Variants in SENP3 observed in about 807,000 individuals in gnomAD.
The protein encoded by SENP3 is sentrin-specific protease 3.
SENP3 carries 11 observed loss-of-function variants against 66.2 expected under a neutral mutation model. The ratio of observed to expected loss-of-function variants is 0.17; its 90% CI spans 0.10 to 0.28. The LOEUF (loss-of-function observed/expected upper bound fraction) is 0.28, where lower values mean the gene tolerates loss of function less well. SENP3 is among the 10% of genes least tolerant of loss of function. The pLI, the probability that SENP3 is intolerant of heterozygous loss-of-function variation, is 1.00. For synonymous variants in SENP3, 292 were observed against 277.6 expected, an observed-to-expected ratio of 1.05 and a Z score of -0.52; for missense variants, 548 against 743.7, an observed-to-expected ratio of 0.74 and a Z score of 3.06.
At chr17:7,566,829 G>A in intron 6 of SENP3, 98 bp from the exon 7 acceptor site, 1 of 901,704 alleles carries the variant, frequency 1.1e-6, no homozygotes, top group South Asian at 1.5e-5. Context: ...AAAAAACCCA[G>A]AATTTGTTTT....
Position 7,571,910 on chromosome 17 carries a change from A to ATATAT in SENP3, c.*427_*428insTATAT, listed in dbSNP as rs2071328340. The ATATAT allele has an allele frequency of 3.9e-5, 1 of 25,318 alleles. No individual in the cohort carries two copies. Among genetic ancestry groups the ATATAT allele is most frequent in the African/African-American group, 2.2e-4 (1 of 4,464 alleles). The allele number at this position is 25,318 out of a possible 1,614,324, so 1.6% of individuals were successfully genotyped here. ...ATATATATATATATATATATATATA[A>ATATAT]AAATATATAAATGCCACGGTCCTGC... On this transcript the variant is annotated 3_prime_UTR_variant, in exon 11 of 11. Coordinates refer to ENST00000321337, the MANE Select transcript of SENP3 (RefSeq NM_015670.6).
intron 7 of SENP3, among the ~76,000 whole-genome samples, chr17:7,567,807 G>A (rs533643083): frequency 6.6e-6 from 1 of 152,136 alleles, no homozygotes; most frequent in East Asian, 1.9e-4. Context: ...TGAGGAGGGG[G>A]GATTTTATTG....
rs1317316204 is a variant in SENP3, at chr17:7,562,277, C to T, written c.-12+14C>T. On this transcript the variant is annotated intron_variant, in intron 1 of 10. Coordinates refer to ENST00000321337, the MANE Select transcript of SENP3 (RefSeq NM_015670.6). The surrounding 1 kb of genome is among the most constrained non-coding windows in gnomAD (Gnocchi z 5.0). ...TCCCCGCTCCCGGTGAGGACGCCCC[C>T]TCCCCTCCCCCCAGCCCTGCCTTGG... 1.3e-5 allele frequency: 5 copies of T among 398,118 alleles called. No homozygotes were observed. Among genetic ancestry groups the T allele is most frequent in the Non-Finnish European group, 1.8e-5 (4 of 225,750 alleles). The allele number at this position is 398,118 out of a possible 1,614,324, so 24.7% of individuals were successfully genotyped here.
At chr17:7,565,198 G>A in intron 4 of SENP3, 128 bp downstream of exon 4, 2 of 830,778 alleles carry the variant, frequency 2.4e-6, no homozygotes, top group South Asian at 1.7e-5. Context: ...GGAGGACTCT[G>A]CAGGCAGGTG....
At chr17:7,565,794 G>C in intron 6 of SENP3, 30 bp downstream of exon 6, 1 of 1,606,798 alleles carries the variant, frequency 6.2e-7, no homozygotes, top group Non-Finnish European at 8.5e-7. Context: ...TCAGTACCCA[G>C]AGGAACTTCT....
At chr17:7,565,871 C>T (rs1017606610) in intron 6 of SENP3, 107 bp downstream of exon 6, 7 of 937,042 alleles carry the variant, frequency 7.5e-6, no homozygotes, top group African/African-American at 3.3e-5. Flanking sequence ...GTCTCTGTTT[C>T]AGGGAGAGAG....
intron 6 of SENP3, 42 bp downstream of exon 6, chr17:7,565,806 C>T (rs771614740): frequency 1.9e-6 from 3 of 1,567,884 alleles, no homozygotes; most frequent in Admixed American, 1.7e-5. Context: ...GGAACTTCTG[C>T]AGTTTTAAGC....
rs778222193 is a variant in SENP3 at position 7,565,771 on chromosome 17, C to T, written c.1263+7C>T. 2 of 1,613,600 alleles carry T rather than the reference C, an allele frequency of 1.2e-6. No homozygotes were observed. Among genetic ancestry groups the T allele is most frequent in the South Asian group, 1.1e-5 (1 of 91,070 alleles). On this transcript the variant is annotated splice_region_variant and intron_variant, in intron 6 of 10. Coordinates refer to ENST00000321337, the MANE Select transcript of SENP3 (RefSeq NM_015670.6). ...GGACACAGTCCCTGAAAAGGTAGGC[C>T]CAACCAGATAGGTCAGTACCCAGAG...
chr17:7,566,475 G>T (rs1047887518), intron 6 of SENP3, among the ~76,000 whole-genome samples: 2 of 151,952 alleles, frequency 1.3e-5, no homozygotes, highest in African/African-American at 4.8e-5. Context: ...GGCCAACATG[G>T]TGAAACCCTG....
At position 7,564,642 on chromosome 17, in the gene SENP3, C is replaced by G. The variant is rs200728441; in HGVS notation, c.733C>G (p.Leu245Val). The G allele has an allele frequency of 4.5e-5, 73 of 1,614,076 alleles. No homozygotes were observed. The African/African-American group carries it at 8.7e-4, about 19-fold the overall frequency. The change falls in exon 3 of 11, where the codon CTG (leucine) becomes GTG (valine). Residue 245 changes from leucine to valine, a missense_variant. Physicochemically the swap from Leu to Val is conservative, Grantham distance 32. This residue lies in a region of SENP3 where 215 missense variants were observed against 230.7 expected (regional missense o/e 0.93). Coordinates refer to ENST00000321337, the MANE Select transcript of SENP3 (RefSeq NM_015670.6). ...CCCTATAGGCCTCCTTTCATGTACT[C>G]TGCCCAACGGTTTTGGGGGACAATC... ...DPDSGLLSCTLPNGFGGQSGP... is the reference protein window; with the variant it reads ...DPDSGLLSCTVPNGFGGQSGP...
Position 7,562,379 on chromosome 17 carries a change from G to T in SENP3, c.-12+116G>T, listed in dbSNP as rs1297878629. 8 of 395,864 alleles carry T rather than the reference G, an allele frequency of 2.0e-5. No individual in the cohort carries two copies. The highest frequency in any genetic ancestry group is 3.6e-5 in the Non-Finnish European group (8 of 224,850). The allele number at this position is 395,864 out of a possible 1,614,324, so 24.5% of individuals were successfully genotyped here. The stretch of plus-strand genomic sequence containing the variant: ...CATAGGGGCTTCTTAAGGCCCGTGT[G>T]CGCCGAGCCATCCAAGCTCGTGGGA... On this transcript the variant is annotated intron_variant, in intron 1 of 10. Coordinates refer to ENST00000321337, the MANE Select transcript of SENP3 (RefSeq NM_015670.6). The surrounding 1 kb of genome is among the most constrained non-coding windows in gnomAD (Gnocchi z 5.0).
In SENP3 at chr17:7,570,420, T is replaced by C; in HGVS notation, c.1406T>C (p.Ile469Thr). 6.2e-7 allele frequency: 1 copy of C among 1,613,814 alleles called. No individual in the cohort carries two copies. The highest frequency in any genetic ancestry group is 8.5e-7 in the Non-Finnish European group (1 of 1,179,840). ...PIHLEVHWSL[I>T]SVDVRRRTIT... Reference sequence around the variant, plus strand: ...CACCTGGAGGTGCATTGGTCCCTCATCTCTGTTGATGTGAGGCGACGCACC... The same window carrying C: ...CACCTGGAGGTGCATTGGTCCCTCACCTCTGTTGATGTGAGGCGACGCACC... The change falls in exon 8 of 11, where the codon ATC (isoleucine) becomes ACC (threonine). Residue 469 changes from isoleucine to threonine, a missense_variant. Physicochemically the swap from Ile to Thr is moderately conservative, Grantham distance 89. Transcript: ENST00000321337. This position sits in a 1 kb window ranked among gnomAD's most constrained non-coding sequence, Gnocchi z 5.4.
At position 7,563,156 on chromosome 17, in the gene SENP3, C is replaced by T; in HGVS notation, c.80C>T (p.Pro27Leu). Reference sequence around the variant, plus strand: ...GGCATACCCCCAGCTTACTCAAGTCCCAGGCGGGAGCGTCTTCGTTGGCCC... The same window carrying T: ...GGCATACCCCCAGCTTACTCAAGTCTCAGGCGGGAGCGTCTTCGTTGGCCC... ...GPGIPPAYSSPRRERLRWPPP... is the reference protein window; with the variant it reads ...GPGIPPAYSSLRRERLRWPPP... The change falls in exon 2 of 11, where the codon CCC (proline) becomes CTC (leucine). Residue 27 changes from proline to leucine, a missense_variant. Physicochemically the swap from Pro to Leu is moderately conservative, Grantham distance 98 (BLOSUM62 -3). This residue lies in a region of SENP3 where 164 missense variants were observed against 167.9 expected (regional missense o/e 0.98). Transcript: ENST00000321337. The T allele has an allele frequency of 6.4e-7, 1 of 1,553,234 alleles. No homozygotes were observed. Among genetic ancestry groups the T allele is most frequent in the Non-Finnish European group, 8.7e-7 (1 of 1,150,558 alleles).
Position 7,571,378 on chromosome 17 carries a change from C to T in SENP3, c.1620C>T (p.Cys540=). Residue 540 remains cysteine, a synonymous_variant, in exon 11 of 11, where the codon TGC becomes TGT. Transcript: ENST00000321337. ...CTTGCTTTGTTAACACCCAGTACTG[C>T]AAGCATCTGGCCCTGTCTCAGCCAT... The part of the protein sequence containing the change: ...SDCGAFVLQY[C]KHLALSQPFS... The T allele has an allele frequency of 1.2e-6, 2 of 1,613,406 alleles. No individual in the cohort carries two copies.
intron 10 of SENP3, 69 bp from the exon 11 acceptor site, chr17:7,571,304 C>G: frequency 8.7e-7 from 1 of 1,143,296 alleles, no homozygotes; most frequent in South Asian, 1.3e-5. Context: ...GGAGACACAT[C>G]TCATATGAAA....
chr17:7,567,325 T>C (rs544505690), intron 7 of SENP3, among the ~76,000 whole-genome samples: 1 of 152,286 alleles, frequency 6.6e-6, no homozygotes, highest in South Asian at 2.1e-4. Context: ...GAGACTAGCC[T>C]GGCCAACATT....
chr17:7,565,121 G>A, intron 4 of SENP3, 51 bp downstream of exon 4: 2 of 1,334,560 alleles, frequency 1.5e-6, no homozygotes, highest in Non-Finnish European at 2.1e-6. Flanking sequence ...TTGGGGATGT[G>A]GAGAGAATAC....
Position 7,570,792 on chromosome 17 carries a change from G to T in SENP3, c.1563+28G>T, listed in dbSNP as rs907179208. On this transcript the variant is annotated intron_variant, in intron 9 of 10. Coordinates refer to ENST00000321337, the MANE Select transcript of SENP3 (RefSeq NM_015670.6). The surrounding 1 kb of genome is among the most constrained non-coding windows in gnomAD (Gnocchi z 5.4). ...GAGTTTCCTGAGGGAGGGGTATAGG[G>T]TGTTGGTGGGGACAGTGGTAGAAGG... 27 of 1,605,544 alleles carry T rather than the reference G, an allele frequency of 1.7e-5. No homozygotes were observed. Among genetic ancestry groups the T allele is most frequent in the Non-Finnish European group, 2.2e-5 (26 of 1,175,254 alleles).
At chr17:7,569,903 C>G (rs147080850) in intron 7 of SENP3, among the ~76,000 whole-genome samples, 2 of 152,316 alleles carry the variant, frequency 1.3e-5, no homozygotes, top group African/African-American at 4.8e-5. Context: ...TGGATAGTCA[C>G]TAGTTTAATC....
Sources: gnomAD v4.1 joint callset for allele counts (sites outside exome capture counted in the v4.1 genomes callset) on GRCh38, gnomAD v4.1.1 for gene constraint, gnomAD v4.1.1 regional missense constraint, Gnocchi (gnomAD v3.1) non-coding constraint, MANE v1.5 for transcripts, NCBI Gene and HGNC (gene_info 2026-07-23, HGNC 2026-07-21) for gene names.